The following MYO1D variants were observed in gnomAD, a reference collection of about 807,000 sequenced individuals.
MYO1D encodes unconventional myosin-Id.
In MYO1D, 83 loss-of-function variants were observed where a neutral mutation model predicts 122.0. That is an observed-to-expected ratio of 0.68 (90% CI 0.57 to 0.82). The LOEUF is 0.82. MYO1D is among the 40% of genes least tolerant of loss of function. The pLI is 0.00. For missense variants in MYO1D, 1,157 were observed against 1,269.5 expected (o/e 0.91, Z 1.35); for synonymous variants, 464 against 446.9 (o/e 1.04, Z -0.48).
chr17:32,741,994 G>C (rs979811561), intron 13 of MYO1D, among the ~76,000 whole-genome samples: 81 of 135,082 alleles, frequency 6.0e-4, no homozygotes, highest in African/African-American at 2.2e-3. Flanking sequence ...CAGCCTGGGC[G>C]ACAGAGTGAG....
chr17:32,649,906 T>C (rs945292418), intron 19 of MYO1D, among the ~76,000 whole-genome samples: 2 of 152,182 alleles, frequency 1.3e-5, no homozygotes, highest in African/African-American at 2.4e-5. Context: ...CATCCATCGA[T>C]GGACATTTCA....
intron 1 of MYO1D, among the ~76,000 whole-genome samples, chr17:32,835,162 G>GT (rs2090810617): frequency 6.6e-6 from 1 of 151,636 alleles, no homozygotes; most frequent in Non-Finnish European, 1.5e-5. Context: ...CTTTCTTTTG[G>GT]GGTTTTTTTT....
intron 19 of MYO1D, among the ~76,000 whole-genome samples, chr17:32,653,514 G>A (rs1157934184): frequency 6.7e-6 from 1 of 148,966 alleles, no homozygotes; most frequent in Non-Finnish European, 1.5e-5. Context: ...GCTGAGACAG[G>A]AGAATCACTT....
intron 16 of MYO1D, among the ~76,000 whole-genome samples, chr17:32,694,707 CAAA>C (rs58606294): frequency 5.4e-5 from 3 of 55,918 alleles, no homozygotes; most frequent in African/African-American, 7.5e-5. Flanking sequence ...GACTCCGTCT[CAAA>C]AAAAAAAAAA....
At chr17:32,765,742 G>C (rs1598079780) in intron 7 of MYO1D, among the ~76,000 whole-genome samples, 1 of 152,174 alleles carries the variant, frequency 6.6e-6, no homozygotes, top group Non-Finnish European at 1.5e-5. Context: ...ACAGGCGTGA[G>C]CCACCGCGCC....
Position 32,653,154 on chromosome 17 carries a change from T to A in MYO1D, c.2595+689A>T, listed in dbSNP as rs867816150. ...GAGACTCCGTCTCAAAAAAAAAAAA[T>A]AAATAAAAGAAATAATGTAGGTATA... is the stretch of plus-strand genomic sequence containing the variant. On this transcript the variant is annotated intron_variant, in intron 19 of 21. Coordinates refer to ENST00000318217, the MANE Select transcript of MYO1D (RefSeq NM_015194.3). Among the ~76,000 whole-genome samples, 18 of 148,248 alleles carry A rather than the reference T, an allele frequency of 1.2e-4. No individual in the cohort carries two copies. In the South Asian group the frequency reaches 1.7e-3, roughly 14 times the overall value.
In MYO1D at chr17:32,645,573, C is replaced by T. The variant is rs567345108; in HGVS notation, c.2596-6738G>A. 5.8e-4 allele frequency among the ~76,000 whole-genome samples: 88 copies of T among 152,260 alleles called. 1 individual carries two copies. The highest frequency in any genetic ancestry group is 2.0e-3 in the African/African-American group (84 of 41,564). On this transcript the variant is annotated intron_variant, in intron 19 of 21. Transcript: ENST00000318217. ...CGGAGATTTGGTCTTTTCACACAGT[C>T]CCATATTTCTTGGAGGCTTTGTGCG...
chr17:32,758,784 G>T (rs190144479), intron 10 of MYO1D, among the ~76,000 whole-genome samples: 31 of 152,270 alleles, frequency 2.0e-4, no homozygotes, highest in Non-Finnish European at 4.1e-4. Context: ...CTAATTGTGG[G>T]GGGATCTGCC....
At chr17:32,677,579 A>AG in intron 16 of MYO1D, among the ~76,000 whole-genome samples, 3 of 89,140 alleles carry the variant, frequency 3.4e-5, no homozygotes, top group Non-Finnish European at 2.1e-5. Context: ...ATAGATAGAT[A>AG]AATATATATA....
intron 1 of MYO1D, among the ~76,000 whole-genome samples, chr17:32,824,450 G>T (rs1421057471): frequency 1.3e-5 from 2 of 152,212 alleles, no homozygotes; most frequent in African/African-American, 2.4e-5. Context: ...AGCTATCCTA[G>T]TTATAGTACC....
At chr17:32,778,288 G>T (rs549179570) in intron 3 of MYO1D, among the ~76,000 whole-genome samples, 192 bp downstream of exon 3, 1 of 152,222 alleles carries the variant, frequency 6.6e-6, no homozygotes, top group East Asian at 1.9e-4. Flanking sequence ...ATCTAGAAAT[G>T]GATACAGTGA....
At chr17:32,740,595 A>G (rs992494667) in intron 13 of MYO1D, among the ~76,000 whole-genome samples, 5 of 152,114 alleles carry the variant, frequency 3.3e-5, no homozygotes, top group African/African-American at 1.2e-4. Context: ...ACTCCACTTC[A>G]GTCTCCCAAG....
At chr17:32,542,937 C>T (rs1022422306) in intron 21 of MYO1D, among the ~76,000 whole-genome samples, 5 of 152,066 alleles carry the variant, frequency 3.3e-5, no homozygotes, top group Admixed American at 6.6e-5. Context: ...TTATAAATTA[C>T]GTATCTGGGC....
chr17:32,754,663 G>A (rs2089929166), intron 11 of MYO1D, among the ~76,000 whole-genome samples: 1 of 152,218 alleles, frequency 6.6e-6, no homozygotes, highest in Admixed American at 6.5e-5. Context: ...TGGAGAGGCA[G>A]AAATGTTTGC....
chr17:32,644,018 G>C (rs895479719), intron 19 of MYO1D, among the ~76,000 whole-genome samples: 1 of 151,906 alleles, frequency 6.6e-6, no homozygotes, highest in Non-Finnish European at 1.5e-5. Flanking sequence ...AGGGTGTCAA[G>C]TTTAGATCTT....
At chr17:32,728,429 A>G (rs2089600591) in intron 14 of MYO1D, among the ~76,000 whole-genome samples, 1 of 152,076 alleles carries the variant, frequency 6.6e-6, no homozygotes, top group Admixed American at 6.5e-5. Context: ...GCTGGTCTTG[A>G]ACTCCTGATC....
At chr17:32,583,443 T>G (rs1418031337) in intron 21 of MYO1D, among the ~76,000 whole-genome samples, 1 of 152,208 alleles carries the variant, frequency 6.6e-6, no homozygotes, top group Non-Finnish European at 1.5e-5. Context: ...ATTTCAGCCA[T>G]TATTTCTTCA....
At chr17:32,625,644 G>A (rs898535840) in intron 20 of MYO1D, among the ~76,000 whole-genome samples, 4 of 151,988 alleles carry the variant, frequency 2.6e-5, no homozygotes, top group Admixed American at 2.6e-4. Context: ...CTGCCTCCTG[G>A]GCTCAAGCAA....
intron 16 of MYO1D, among the ~76,000 whole-genome samples, chr17:32,667,306 T>G (rs1454110076): frequency 1.3e-5 from 2 of 152,218 alleles, no homozygotes; most frequent in Non-Finnish European, 2.9e-5. Flanking sequence ...CCTCTTCCAT[T>G]TCTATAAGGG....
Sources: gnomAD v4.1 joint callset for allele counts (sites outside exome capture counted in the v4.1 genomes callset) on GRCh38, gnomAD v4.1.1 for gene constraint, MANE v1.5 for transcripts, NCBI Gene and HGNC (gene_info 2026-07-23, HGNC 2026-07-21) for gene names.